B3GALT2: variants seen among roughly 807,000 people sequenced by gnomAD.
B3GALT2 encodes the protein beta-1,3-galactosyltransferase 2.
In B3GALT2, 13 loss-of-function variants were observed where a neutral mutation model predicts 33.5. The ratio of observed to expected loss-of-function variants is 0.39; its 90% CI spans 0.25 to 0.62. The LOEUF (loss-of-function observed/expected upper bound fraction) is 0.62, where lower values mean the gene tolerates loss of function less well. B3GALT2 is among the 20% of genes least tolerant of loss of function. B3GALT2 has a pLI of 0.53. For missense variants in B3GALT2, 418 were observed against 509.1 expected (o/e 0.82, Z 1.72); for synonymous variants, 195 against 172.7 (o/e 1.13, Z -1.01).
At chr1:193,183,984 A>G (rs917113960) in intron 1 of B3GALT2, among the ~76,000 whole-genome samples, 1 of 151,894 alleles carries the variant, frequency 6.6e-6, no homozygotes, top group Non-Finnish European at 1.5e-5. Context: ...TGTTGCTTTT[A>G]TAAGAACAAT....
In B3GALT2 at chr1:193,180,300, T is replaced by C; in HGVS notation, c.1263A>G (p.Leu421=). 1 of 1,558,858 alleles carries C rather than the reference T, an allele frequency of 6.4e-7. No homozygotes were observed. The highest frequency in any genetic ancestry group is 8.7e-7 in the Non-Finnish European group (1 of 1,154,456). The part of the protein sequence containing the change: ...EKAGRYRHRK[L]H Reference sequence around the variant, plus strand: ...TGAAAAAAAATTGTCTTTTCTAATGTAGTTTACGGTGGCGATACCTGCCTG... The same window carrying C: ...TGAAAAAAAATTGTCTTTTCTAATGCAGTTTACGGTGGCGATACCTGCCTG... The change falls in exon 2 of 2, where the codon CTA becomes CTG. Residue 421 remains leucine (L), a synonymous_variant. Transcript: ENST00000367434.
Position 193,180,948 on chromosome 1 carries a change from T to A in B3GALT2, c.615A>T (p.Ile205=), listed in dbSNP as rs1378466507. ...CATGATATTGTCTGCTTTCTTCCAGTATTGCACGTTGAAGGTAGCCATTTA... is the reference window on the plus strand; with the variant it reads ...CATGATATTGTCTGCTTTCTTCCAGAATTGCACGTTGAAGGTAGCCATTTA... ...IKLNGYLQRA[I]LEESRQYHDI... Residue 205 remains isoleucine (I), a synonymous_variant, in exon 2 of 2, where the codon ATA becomes ATT. Coordinates refer to ENST00000367434, the MANE Select transcript of B3GALT2 (RefSeq NM_003783.3). 3 of 1,613,482 alleles carry A rather than the reference T, an allele frequency of 1.9e-6. No individual in the cohort carries two copies. The highest frequency in any genetic ancestry group is 2.5e-6 in the Non-Finnish European group (3 of 1,179,966).
rs1676687430 is a variant in B3GALT2, at chr1:193,180,154, C to T, written c.*140G>A. Reference sequence around the variant, plus strand: ...TTATAGTTTTAAGAATTAACTTCTTCAGAAATTAAAAAAATACTTCTTGAA... The same window carrying T: ...TTATAGTTTTAAGAATTAACTTCTTTAGAAATTAAAAAAATACTTCTTGAA... On this transcript the variant is annotated 3_prime_UTR_variant, in exon 2 of 2. Coordinates refer to ENST00000367434, the MANE Select transcript of B3GALT2 (RefSeq NM_003783.3). 1 of 742,624 alleles carries T rather than the reference C, an allele frequency of 1.3e-6. No homozygotes were observed. Among genetic ancestry groups the T allele is most frequent in the Non-Finnish European group, 2.0e-6 (1 of 509,748 alleles). 46.0% of individuals were successfully genotyped at this position (742,624 alleles called of 1,614,324 possible).
intron 1 of B3GALT2, among the ~76,000 whole-genome samples, chr1:193,182,762 TTTG>T (rs983357712): frequency 2.6e-5 from 4 of 152,126 alleles, no homozygotes; most frequent in African/African-American, 7.2e-5. Context: ...TCTTAGTGTT[TTTG>T]TTGTTGTTTT....
rs1676710792 is a variant in B3GALT2 at position 193,181,273 on chromosome 1, G to A, written c.290C>T (p.Thr97Ile). ...TGACAGGTCTGTGTTATTAGAGTTAGTTGCTGTTTGAGGCCTCAGGGTTTG... is the reference window on the plus strand; with the variant it reads ...TGACAGGTCTGTGTTATTAGAGTTAATTGCTGTTTGAGGCCTCAGGGTTTG... ...VPQTLRPQTA[T>I]NSNNTDLSPQ... Residue 97 changes from threonine (T) to isoleucine (I), a missense_variant, in exon 2 of 2, where the codon ACT (threonine) becomes ATT (isoleucine). Thr to Ile is a moderately conservative substitution (Grantham distance 89). This residue lies in a region of B3GALT2 where 188 missense variants were observed against 197.5 expected (regional missense o/e 0.95). Transcript: ENST00000367434. 6.2e-7 allele frequency: 1 copy of A among 1,614,004 alleles called. No individual in the cohort carries two copies. Among genetic ancestry groups the A allele is most frequent in the Non-Finnish European group, 8.5e-7 (1 of 1,179,982 alleles).
In B3GALT2 at chr1:193,180,726, A is replaced by G. The variant is rs1676700250; in HGVS notation, c.837T>C (p.Thr279=). Residue 279 remains threonine, a synonymous_variant, in exon 2 of 2, where the codon ACT becomes ACC. Transcript: ENST00000367434. The part of the protein sequence containing the change: ...PDLPPRHNYF[T]GYLMRGYAPN... ...GTGCATATCCTCGCATTAGGTAACC[A>G]GTGAAATAGTTATGTCTGGGAGGCA... 1.2e-6 allele frequency: 2 copies of G among 1,614,128 alleles called. No individual in the cohort carries two copies. Among genetic ancestry groups the G allele is most frequent in the Admixed American group, 1.7e-5 (1 of 60,018 alleles).
chr1:193,185,421 G>A (rs1676789090), intron 1 of B3GALT2, among the ~76,000 whole-genome samples: 1 of 151,762 alleles, frequency 6.6e-6, no homozygotes, highest in Non-Finnish European at 1.5e-5. Context: ...TTTCCTTTTA[G>A]TATCTTCTTG....
At position 193,178,873 on chromosome 1, in the gene B3GALT2, T is replaced by TA. The variant is rs1435283204; in HGVS notation, c.*1420dup. ...TATCCCTTAATAATAGAATAAGAGG[T>TA]AAAAATGATTGTTATTAGAATTAAG... On this transcript the variant is annotated 3_prime_UTR_variant, in exon 2 of 2. Coordinates refer to ENST00000367434, the MANE Select transcript of B3GALT2 (RefSeq NM_003783.3). Among the ~76,000 whole-genome samples, 3 of 152,248 alleles carry TA rather than the reference T, an allele frequency of 2.0e-5. No individual in the cohort carries two copies.
chr1:193,180,858 C>A lies in B3GALT2; in HGVS notation c.705G>T (p.Met235Ile). Reference protein sequence around the residue: ...YNLTIKTLMGMNWVATYCPHI... With the variant: ...YNLTIKTLMGINWVATYCPHI... Reference sequence around the variant, plus strand: ...GTGGACAGTATGTTGCAACCCAGTTCATGCCCATTAGTGTTTTAATGGTCA... The same window carrying A: ...GTGGACAGTATGTTGCAACCCAGTTAATGCCCATTAGTGTTTTAATGGTCA... The change falls in exon 2 of 2, where the codon ATG becomes ATT. Residue 235 changes from methionine to isoleucine, a missense_variant. Physicochemically the swap from Met to Ile is conservative, Grantham distance 10 (BLOSUM62 1). This residue lies in a region of B3GALT2 where 226 missense variants were observed against 293.9 expected (regional missense o/e 0.77). Coordinates refer to ENST00000367434, the MANE Select transcript of B3GALT2 (RefSeq NM_003783.3). 1 of 1,613,906 alleles carries A rather than the reference C, an allele frequency of 6.2e-7. No individual in the cohort carries two copies. The highest frequency in any genetic ancestry group is 1.1e-5 in the South Asian group (1 of 91,042).
rs549291093 is a variant in B3GALT2, at chr1:193,180,229, A to G, written c.*65T>C. 2 of 1,364,168 alleles carry G rather than the reference A, an allele frequency of 1.5e-6. No individual in the cohort carries two copies. Among genetic ancestry groups the G allele is most frequent in the East Asian group, 2.4e-5 (1 of 41,524 alleles). The allele number at this position is 1,364,168 out of a possible 1,614,324, so 84.5% of individuals were successfully genotyped here. ...TAAAACTTGTCCTACGGATGTAATC[A>G]GTTCTAACTATACATGCTTTTAGCA... On this transcript the variant is annotated 3_prime_UTR_variant, in exon 2 of 2. Transcript: ENST00000367434.
rs1003733025 is a variant in B3GALT2 at position 193,179,722 on chromosome 1, T to A, written c.*572A>T. On this transcript the variant is annotated 3_prime_UTR_variant, in exon 2 of 2. Transcript: ENST00000367434. ...TTTAAAATAATATCTCAGTTATTTTTAAAAAGTAAATACTTTCGTGAGAAC... is the reference window on the plus strand; with the variant it reads ...TTTAAAATAATATCTCAGTTATTTTAAAAAAGTAAATACTTTCGTGAGAAC... 9 of 152,570 alleles carry A rather than the reference T, an allele frequency of 5.9e-5. No homozygotes were observed. The highest frequency in any genetic ancestry group is 2.2e-4 in the African/African-American group (9 of 41,456). 9.5% of individuals were successfully genotyped at this position (152,570 alleles called of 1,614,324 possible). A position where few individuals can be genotyped will look rare whatever the true frequency, so the allele number is the denominator to read the frequency against.
chr1:193,180,537 T>C lies in B3GALT2; in HGVS notation c.1026A>G (p.Val342=), dbSNP rs746859596. The C allele has an allele frequency of 1.5e-5, 25 of 1,613,952 alleles. No homozygotes were observed. The highest frequency in any genetic ancestry group is 1.5e-4 in the African/African-American group (11 of 74,910). ...LGIRRLHLED[V]YVGICLAKLR... is the part of the protein sequence containing the mutation. The stretch of plus-strand genomic sequence containing the variant: ...ACTTGGCAAGACAGATCCCTACATA[T>C]ACATCTTCCAAGTGCAAACGGCGGA... The change falls in exon 2 of 2, where the codon GTA becomes GTG. Residue 342 remains valine (V), a synonymous_variant. Transcript: ENST00000367434.
At chr1:193,182,611 C>A (rs1219738331) in intron 1 of B3GALT2, among the ~76,000 whole-genome samples, 4 of 152,080 alleles carry the variant, frequency 2.6e-5, no homozygotes, top group African/African-American at 9.7e-5. Flanking sequence ...TAGAACTTGT[C>A]ATTAGCACAG....
At chr1:193,185,995 A>G (rs948928631) in intron 1 of B3GALT2, 24 bp downstream of exon 1, 4 of 152,264 alleles carry the variant, frequency 2.6e-5, no homozygotes, top group African/African-American at 4.8e-5. Flanking sequence ...TTAAATGACT[A>G]TCATACACAA....
chr1:193,182,176 C>G (rs1676728064), intron 1 of B3GALT2, among the ~76,000 whole-genome samples: 1 of 152,226 alleles, frequency 6.6e-6, no homozygotes, highest in East Asian at 1.9e-4. Flanking sequence ...TGGCAGAGTT[C>G]TGTTAGTCAC....
rs1233512325 is a variant in B3GALT2, at chr1:193,178,934, A to G, written c.*1360T>C. On this transcript the variant is annotated 3_prime_UTR_variant, in exon 2 of 2. Coordinates refer to ENST00000367434, the MANE Select transcript of B3GALT2 (RefSeq NM_003783.3). ...ACTAAATTAAGATTGACAGATTTAC[A>G]TACTTGTATGGAATAAAAACACTAT... The G allele has an allele frequency of 6.6e-6, 1 of 152,220 alleles. No homozygotes were observed. Among genetic ancestry groups the G allele is most frequent in the Non-Finnish European group, 1.5e-5 (1 of 68,018 alleles). 9.4% of individuals were successfully genotyped at this position (152,220 alleles called of 1,614,324 possible). A position where few individuals can be genotyped will look rare whatever the true frequency, so the allele number is the denominator to read the frequency against.
At chr1:193,184,642 CTTTTG>C (rs932029297) in intron 1 of B3GALT2, among the ~76,000 whole-genome samples, 5 of 151,854 alleles carry the variant, frequency 3.3e-5, no homozygotes, top group African/African-American at 4.8e-5. Flanking sequence ...AAAACTTACA[CTTTTG>C]TTTTGAGATG....
chr1:193,181,430 G>A lies in B3GALT2; in HGVS notation c.133C>T (p.His45Tyr), dbSNP rs1401061471. The A allele has an allele frequency of 6.2e-7, 1 of 1,613,920 alleles. No individual in the cohort carries two copies. The highest frequency in any genetic ancestry group is 8.5e-7 in the Non-Finnish European group (1 of 1,179,938). The change falls in exon 2 of 2, where the codon CAT becomes TAT. Residue 45 changes from histidine to tyrosine, a missense_variant. By Grantham distance (83) the His-to-Tyr change is moderately conservative (BLOSUM62 2). Coordinates refer to ENST00000367434, the MANE Select transcript of B3GALT2 (RefSeq NM_003783.3). ...FLFAMFLFFN[H>Y]HDWLPGRAGF... is the part of the protein sequence containing the mutation. ...GCTCTGCCTGGCAGCCAGTCATGAT[G>A]ATTGAAAAACAAAAACATAGCAAAA... is the stretch of plus-strand genomic sequence containing the variant.
chr1:193,183,980 T>G (rs1676763856), intron 1 of B3GALT2, among the ~76,000 whole-genome samples: 1 of 151,900 alleles, frequency 6.6e-6, no homozygotes, highest in Non-Finnish European at 1.5e-5. Context: ...TTTATGTTGC[T>G]TTTATAAGAA....
Sources: gnomAD v4.1 joint callset for allele counts (sites outside exome capture counted in the v4.1 genomes callset) on GRCh38, gnomAD v4.1.1 for gene constraint, gnomAD v4.1.1 regional missense constraint, MANE v1.5 for transcripts, NCBI Gene and HGNC (gene_info 2026-07-23, HGNC 2026-07-21) for gene names.